Variants in ABCB11 observed in about 807,000 individuals in gnomAD.
ABCB11 encodes bile salt export pump.
ABCB11 carries 95 observed loss-of-function variants against 148.0 expected under a neutral mutation model. That is an observed-to-expected ratio of 0.64 (90% CI 0.54 to 0.76). The LOEUF (loss-of-function observed/expected upper bound fraction) is 0.76, where lower values mean the gene tolerates loss of function less well. Ranked by LOEUF, ABCB11 falls within the 30% of genes least tolerant of loss-of-function variation. The pLI is 0.00. For synonymous variants in ABCB11, 591 were observed against 555.4 expected (o/e 1.06, Z -0.90); for missense variants, 1,523 against 1,617.8 (o/e 0.94, Z 1.01).
intron 22 of ABCB11, among the ~76,000 whole-genome samples, chr2:168,935,663 T>A (rs1691787522): frequency 6.6e-6 from 1 of 152,132 alleles, no homozygotes; most frequent in African/African-American, 2.4e-5. Flanking sequence ...TATGCTACCA[T>A]CCCTCATTTA....
intron 5 of ABCB11, among the ~76,000 whole-genome samples, chr2:169,006,153 A>G (rs1695011875): frequency 6.6e-6 from 1 of 152,218 alleles, no homozygotes; most frequent in Non-Finnish European, 1.5e-5. Context: ...TTCACTAAAT[A>G]CAAACAAGTT....
chr2:169,017,456 C>T (rs533395307), intron 2 of ABCB11, among the ~76,000 whole-genome samples: 12 of 152,222 alleles, frequency 7.9e-5, no homozygotes, highest in East Asian at 1.9e-4. Flanking sequence ...TGTTGACAGA[C>T]GGCAATATCT....
chr2:168,963,708 C>T (rs1166792554), intron 18 of ABCB11, among the ~76,000 whole-genome samples: 1 of 151,748 alleles, frequency 6.6e-6, no homozygotes, highest in African/African-American at 2.4e-5. Context: ...GTCTGTGAAA[C>T]CTAATTGGCC....
chr2:168,997,496 GA>G (rs763187856), intron 5 of ABCB11, among the ~76,000 whole-genome samples: 29 of 151,216 alleles, frequency 1.9e-4, no homozygotes, highest in South Asian at 6.3e-4. Context: ...GGGAGTGGAG[GA>G]AAAAAAAATT....
chr2:168,996,790 G>A, intron 5 of ABCB11, 68 bp from the exon 6 acceptor site: 1 of 621,954 alleles, frequency 1.6e-6, no homozygotes, highest in East Asian at 3.6e-5. Flanking sequence ...TACATTTGTG[G>A]ATATAGAGGG....
intron 8 of ABCB11, 82 bp downstream of exon 8, chr2:168,993,629 A>G (rs1223635035): frequency 7.5e-7 from 1 of 1,327,916 alleles, no homozygotes; most frequent in Non-Finnish European, 1.0e-6. Flanking sequence ...TGTACTCAGG[A>G]AAAGGGACTC....
At chr2:169,012,574 T>C (rs1196658631) in intron 5 of ABCB11, among the ~76,000 whole-genome samples, 1 of 151,764 alleles carries the variant, frequency 6.6e-6, no homozygotes, top group Non-Finnish European at 1.5e-5. Flanking sequence ...ACCCCATCTC[T>C]ACTAAAAATA....
chr2:169,018,073 T>A lies in ABCB11; in HGVS notation c.53A>T (p.Asp18Val). 1 of 1,613,582 alleles carries A rather than the reference T, an allele frequency of 6.2e-7. No individual in the cohort carries two copies. The highest frequency in any genetic ancestry group is 1.1e-5 in the South Asian group (1 of 91,078). ...ACATGATTTATCTGACTCAAAACCATCATTCTCCTCTCCAAATTTCTTTAT... is the reference window on the plus strand; with the variant it reads ...ACATGATTTATCTGACTCAAAACCAACATTCTCCTCTCCAAATTTCTTTAT... ...RSIKKFGEEN[D>V]GFESDKSYNN... is the part of the protein sequence containing the mutation. The change falls in exon 2 of 28, where the codon GAT becomes GTT. Residue 18 changes from aspartate (D) to valine (V), a missense_variant. Physicochemically the swap from Asp to Val is radical, Grantham distance 152 (BLOSUM62 -3). Coordinates refer to ENST00000650372, the MANE Select transcript of ABCB11 (RefSeq NM_003742.4).
chr2:168,924,850 C>A, intron 26 of ABCB11, 47 bp from the exon 27 acceptor site: 1 of 1,565,908 alleles, frequency 6.4e-7, no homozygotes. Flanking sequence ...AGTTATTGCT[C>A]CTGTGCTGTA....
At chr2:169,000,186 T>A (rs1694828866) in intron 5 of ABCB11, among the ~76,000 whole-genome samples, 1 of 152,122 alleles carries the variant, frequency 6.6e-6, no homozygotes, top group Admixed American at 6.6e-5. Context: ...TTTGAGAATT[T>A]TTTATATATT....
Position 168,924,669 on chromosome 2 carries a change from T to C in ABCB11, c.3753A>G (p.Thr1251=). 6.2e-7 allele frequency: 1 copy of C among 1,613,758 alleles called. No homozygotes were observed. The highest frequency in any genetic ancestry group is 8.5e-7 in the Non-Finnish European group (1 of 1,179,806). ...ATTCAACACTTACCTTTTCACTTTC[T>C]GTGTCTAAGGCAGAAGTGGCTTCAT... The part of the protein sequence containing the change: ...LLDEATSALD[T]ESEKTVQVAL... The change falls in exon 27 of 28, where the codon ACA becomes ACG. Residue 1251 remains threonine (T), a synonymous_variant. Transcript: ENST00000650372.
At position 168,927,200 on chromosome 2, in the gene ABCB11, C is replaced by T; in HGVS notation, c.3574G>A (p.Ala1192Thr). The T allele has an allele frequency of 6.2e-6, 10 of 1,613,858 alleles. No homozygotes were observed. Among genetic ancestry groups the T allele is most frequent in the Non-Finnish European group, 7.6e-6 (9 of 1,179,778 alleles). ...EIPMERVIAA[A>T]KQAQLHDFVM... ...AAATCATGCAGCTGAGCCTGTTTTG[C>T]AGCTGCTATGACTCTTTCCATGGGA... The change falls in exon 26 of 28, where the codon GCA becomes ACA. Residue 1192 changes from alanine to threonine, a missense_variant. By Grantham distance (58) the Ala-to-Thr change is moderately conservative. Transcript: ENST00000650372.
intron 19 of ABCB11, among the ~76,000 whole-genome samples, chr2:168,949,289 C>T (rs1692459859): frequency 6.6e-6 from 1 of 151,712 alleles, no homozygotes; most frequent in East Asian, 1.9e-4. Flanking sequence ...GCTTTTAGTG[C>T]ACCCATCACC....
Position 168,935,323 on chromosome 2 carries a change from T to A in ABCB11, c.2917A>T (p.Thr973Ser). 1 of 1,614,018 alleles carries A rather than the reference T, an allele frequency of 6.2e-7. No homozygotes were observed. The change falls in exon 23 of 28, where the codon ACA (threonine) becomes TCA (serine). Residue 973 changes from threonine (T) to serine (S), a missense_variant. Thr to Ser is a moderately conservative substitution (Grantham distance 58, BLOSUM62 1). Coordinates refer to ENST00000650372, the MANE Select transcript of ABCB11 (RefSeq NM_003742.4). ...TAAATATTGGCTTTCTGAATGGCTG[T>A]CTTGAAGGGCTTCTCCAGCTCAGTC... The part of the protein sequence containing the change: ...LETELEKPFK[T>S]AIQKANIYGF...
intron 13 of ABCB11, 48 bp from the exon 14 acceptor site, chr2:168,972,098 T>G: frequency 6.5e-7 from 1 of 1,547,130 alleles, no homozygotes; most frequent in Non-Finnish European, 8.9e-7. Context: ...CTTTCAGGGT[T>G]CTGAATCATA....
intron 8 of ABCB11, among the ~76,000 whole-genome samples, chr2:168,993,191 T>G (rs188890606): frequency 9.2e-5 from 14 of 152,116 alleles, no homozygotes; most frequent in Admixed American, 7.9e-4. Flanking sequence ...AAATCCTTCT[T>G]GTGTGCTTGT....
At chr2:168,949,679 CATA>C (rs1692473531) in intron 19 of ABCB11, among the ~76,000 whole-genome samples, 1 of 151,498 alleles carries the variant, frequency 6.6e-6, no homozygotes, top group Admixed American at 6.6e-5. Context: ...ATCTTTTTGA[CATA>C]ATGACTTCTT....
At chr2:168,949,974 ATCAAAC>A (rs910499516) in intron 19 of ABCB11, among the ~76,000 whole-genome samples, 1 of 151,400 alleles carries the variant, frequency 6.6e-6, no homozygotes, top group African/African-American at 2.4e-5. Context: ...GCCCTCAAAC[ATCAAAC>A]TCAAAGTTCT....
At chr2:168,994,037 T>G (rs974669896) in intron 7 of ABCB11, among the ~76,000 whole-genome samples, 155 bp from the exon 8 acceptor site, 69 of 152,212 alleles carry the variant, frequency 4.5e-4, no homozygotes, top group African/African-American at 1.4e-3. Context: ...GAAAATTTGC[T>G]GCACCTTGGG....
Sources: gnomAD v4.1 joint callset for allele counts (sites outside exome capture counted in the v4.1 genomes callset) on GRCh38, gnomAD v4.1.1 for gene constraint, MANE v1.5 for transcripts, NCBI Gene and HGNC (gene_info 2026-07-23, HGNC 2026-07-21) for gene names.